Variants in GOLM1 observed in about 807,000 individuals in gnomAD.
The protein encoded by GOLM1 is epididymis luminal protein 46.
GOLM1 carries 31 observed loss-of-function variants against 50.5 expected under a neutral mutation model. The ratio of observed to expected loss-of-function variants is 0.61; its 90% CI spans 0.46 to 0.83. GOLM1 has a LOEUF of 0.83. GOLM1 is among the 40% of genes least tolerant of loss of function. The probability of loss-of-function intolerance (pLI) is 0.00; values close to 1 mark genes in which losing one functional copy is unlikely to be tolerated. For missense variants in GOLM1, 491 were observed against 501.3 expected (o/e 0.98, Z 0.20); for synonymous variants, 178 against 192.8 (o/e 0.92, Z 0.64).
chr9:86,055,725 G>C (rs1446681852), intron 3 of GOLM1, among the ~76,000 whole-genome samples: 5 of 152,182 alleles, frequency 3.3e-5, no homozygotes, highest in Non-Finnish European at 7.3e-5. Flanking sequence ...CCATTCATAT[G>C]AAGTACCTAA....
Position 86,065,639 on chromosome 9 carries a change from T to G in GOLM1, c.309+11773A>C, listed in dbSNP as rs535731567. The stretch of plus-strand genomic sequence containing the variant: ...CCCCCGGCAGCCCCACGCCGGCCAC[T>G]CTCAGGTGCCGGGAGCCTTCCATGA... On this transcript the variant is annotated intron_variant, in intron 3 of 9. Transcript: ENST00000388712. Among the ~76,000 whole-genome samples, 294 of 152,282 alleles carry G rather than the reference T, an allele frequency of 1.9e-3. 1 individual carries two copies. The highest frequency in any genetic ancestry group is 6.8e-3 in the African/African-American group (284 of 41,568).
intron 8 of GOLM1, among the ~76,000 whole-genome samples, chr9:86,033,731 G>T (rs1001109781): frequency 3.7e-4 from 56 of 152,282 alleles, no homozygotes; most frequent in African/African-American, 1.2e-3. Context: ...GGAAGGAACG[G>T]ATATCTACAG....
chr9:86,079,877 T>A (rs1252569739), intron 1 of GOLM1: 1 of 152,134 alleles, frequency 6.6e-6, no homozygotes, highest in Non-Finnish European at 1.5e-5. Flanking sequence ...TTGACAGGAT[T>A]ACTAATGACA....
chr9:86,054,589 C>T (rs1296245960), intron 3 of GOLM1, among the ~76,000 whole-genome samples: 1 of 152,134 alleles, frequency 6.6e-6, no homozygotes. Context: ...AAAAGGGAAA[C>T]GGAGGCACTG....
intron 1 of GOLM1, among the ~76,000 whole-genome samples, chr9:86,082,063 CTG>C (rs1834799685): frequency 9.1e-6 from 1 of 109,688 alleles, no homozygotes. Flanking sequence ...GAGTCTCTCT[CTG>C]TTGCCCAGGC....
At chr9:86,076,910 C>A (rs936825357) in intron 3 of GOLM1, among the ~76,000 whole-genome samples, 1 of 151,606 alleles carries the variant, frequency 6.6e-6, no homozygotes, top group Admixed American at 6.6e-5. Flanking sequence ...AGCAGGAAGG[C>A]CCCTTTAAAT....
At chr9:86,079,146 A>T in intron 2 of GOLM1, 46 bp downstream of exon 2, 3 of 1,464,294 alleles carry the variant, frequency 2.0e-6, no homozygotes, top group Non-Finnish European at 2.7e-6. Context: ...CAAAATAAAC[A>T]AAACATAAAC....
At chr9:86,082,010 G>C (rs1471572788) in intron 1 of GOLM1, among the ~76,000 whole-genome samples, 1 of 147,720 alleles carries the variant, frequency 6.8e-6, no homozygotes, top group Non-Finnish European at 1.5e-5. Context: ...AGGGGCATCA[G>C]CATCACCTGG....
intron 5 of GOLM1, among the ~76,000 whole-genome samples, chr9:86,044,595 G>C (rs530821201): frequency 1.2e-3 from 182 of 152,190 alleles, no homozygotes; most frequent in African/African-American, 4.2e-3. Context: ...AAGACAATTA[G>C]GAGCTATACG....
At chr9:86,028,389 A>T (rs1008035236) in intron 9 of GOLM1, among the ~76,000 whole-genome samples, 6 of 152,224 alleles carry the variant, frequency 3.9e-5, no homozygotes, top group African/African-American at 1.2e-4. Flanking sequence ...GGACAGTAGG[A>T]GATCCCGGCT....
intron 5 of GOLM1, among the ~76,000 whole-genome samples, chr9:86,041,376 T>C (rs1414813879): frequency 6.6e-6 from 1 of 152,108 alleles, no homozygotes; most frequent in East Asian, 1.9e-4. Flanking sequence ...CAGCTCCACC[T>C]CCTCCAGGGA....
At chr9:86,097,465 T>A (rs1337623166) in intron 1 of GOLM1, among the ~76,000 whole-genome samples, 2 of 152,178 alleles carry the variant, frequency 1.3e-5, no homozygotes, top group African/African-American at 2.4e-5. Flanking sequence ...ATTTTTTTTT[T>A]ATTTCAAGAA....
chr9:86,087,132 C>A (rs956321447), intron 1 of GOLM1, among the ~76,000 whole-genome samples: 1 of 152,262 alleles, frequency 6.6e-6, no homozygotes, highest in African/African-American at 2.4e-5. Context: ...CTTCCTTGAA[C>A]AGTGGTTTGT....
In GOLM1 at chr9:86,072,503, C is replaced by T. The variant is rs143769716; in HGVS notation, c.309+4909G>A. Among the ~76,000 whole-genome samples, 289 of 152,288 alleles carry T rather than the reference C, an allele frequency of 1.9e-3. 1 individual carries two copies. The highest frequency in any genetic ancestry group is 6.2e-3 in the African/African-American group (256 of 41,564). On this transcript the variant is annotated intron_variant, in intron 3 of 9. Coordinates refer to ENST00000388712, the MANE Select transcript of GOLM1 (RefSeq NM_016548.4). ...GAGGACCTCGAGATCCACGTATACA[C>T]AAATCCTGGGTGAGATGGCTATTCT...
chr9:86,043,271 G>A (rs1222397456), intron 5 of GOLM1, among the ~76,000 whole-genome samples: 5 of 152,162 alleles, frequency 3.3e-5, no homozygotes, highest in Non-Finnish European at 5.9e-5. Context: ...GCTTAGTGAT[G>A]CCTGCCACAG....
chr9:86,099,418 C>G lies in GOLM1; in HGVS notation c.-29G>C, dbSNP rs1835461064. 1 of 151,346 alleles carries G rather than the reference C, an allele frequency of 6.6e-6. No homozygotes were observed. Among genetic ancestry groups the G allele is most frequent in the South Asian group, 2.1e-4 (1 of 4,818 alleles). 9.4% of individuals were successfully genotyped at this position (151,346 alleles called of 1,614,324 possible). On this transcript the variant is annotated 5_prime_UTR_variant, in exon 1 of 10. Transcript: ENST00000388712. ...CGCGCGCCGCCCACTCACCTCTTTT[C>G]GAGGCTCCGGCCGCCACTCGGGGAT...
chr9:86,094,860 G>A (rs1438047022), intron 1 of GOLM1, among the ~76,000 whole-genome samples: 1 of 152,144 alleles, frequency 6.6e-6, no homozygotes, highest in Non-Finnish European at 1.5e-5. Flanking sequence ...AAGGCAGGCG[G>A]ATCACCTGAG....
upstream of GOLM1, chr9:86,100,000 A>T (rs936496925): frequency 2.0e-5 from 3 of 152,232 alleles, no homozygotes; most frequent in Non-Finnish European, 4.4e-5. Flanking sequence ...AACGAAAAAC[A>T]GGTTTTTAGG....
At chr9:86,090,628 T>G (rs1046088345) in intron 1 of GOLM1, among the ~76,000 whole-genome samples, 2 of 151,964 alleles carry the variant, frequency 1.3e-5, no homozygotes, top group African/African-American at 4.8e-5. Context: ...CAGACTGCTG[T>G]GCTGGCAGCA....
Sources: allele counts gnomAD v4.1 joint callset (sites outside exome capture counted in the v4.1 genomes callset), GRCh38; gene constraint gnomAD v4.1.1; transcripts MANE v1.5; gene names NCBI Gene and HGNC (gene_info 2026-07-23, HGNC 2026-07-21).